The following DDX10 variants were observed in gnomAD, a reference collection of about 807,000 sequenced individuals.
The protein encoded by DDX10 is probable ATP-dependent RNA helicase DDX10.
DDX10 carries 74 observed loss-of-function variants against 104.3 expected under a neutral mutation model. That is an observed-to-expected ratio of 0.71 (90% CI 0.59 to 0.86). The LOEUF is 0.86. Among genes scored for constraint, DDX10 ranks in the 40% least tolerant of loss-of-function variants. The pLI, the probability that DDX10 is intolerant of heterozygous loss-of-function variation, is 0.00. For missense variants in DDX10, 952 were observed against 1,040.0 expected (o/e 0.92, Z 1.16); for synonymous variants, 351 against 353.4 (o/e 0.99, Z 0.08).
intron 13 of DDX10, among the ~76,000 whole-genome samples, chr11:108,725,929 G>C (rs1315087182): frequency 6.6e-6 from 1 of 151,914 alleles, no homozygotes; most frequent in Non-Finnish European, 1.5e-5. Context: ...ATTTGGGCTA[G>C]GATCCTCTTC....
At chr11:108,720,012 C>T (rs894997694) in intron 12 of DDX10, 127 bp downstream of exon 12, 6 of 658,844 alleles carry the variant, frequency 9.1e-6, no homozygotes, top group South Asian at 8.6e-5. Flanking sequence ...CAGCAGTCCA[C>T]CCACCTCAAC....
At chr11:108,885,977 CT>C (rs1555037232) in intron 16 of DDX10, among the ~76,000 whole-genome samples, 3 of 152,120 alleles carry the variant, frequency 2.0e-5, no homozygotes, top group Non-Finnish European at 4.4e-5. Context: ...GAGACTTGAG[CT>C]GATCCATAAA....
intron 17 of DDX10, among the ~76,000 whole-genome samples, chr11:108,922,827 A>C (rs1007544169): frequency 6.6e-6 from 1 of 152,220 alleles, no homozygotes; most frequent in African/African-American, 2.4e-5. Flanking sequence ...GAGCTTTAAG[A>C]ATACCCCCAT....
At chr11:108,716,537 A>G (rs1432123386) in intron 11 of DDX10, among the ~76,000 whole-genome samples, 1 of 152,208 alleles carries the variant, frequency 6.6e-6, no homozygotes, top group African/African-American at 2.4e-5. Flanking sequence ...GATTTCTAAT[A>G]CTTGATAACA....
At chr11:108,850,461 T>A (rs1197471215) in intron 15 of DDX10, among the ~76,000 whole-genome samples, 1 of 152,182 alleles carries the variant, frequency 6.6e-6, no homozygotes, top group Admixed American at 6.5e-5. Context: ...AACTTTGAAG[T>A]GCCATTTTCA....
In DDX10 at chr11:108,779,503, A is replaced by G. The variant is rs1172799623; in HGVS notation, c.1965+56041A>G. Among the ~76,000 whole-genome samples, 6 of 147,160 alleles carry G rather than the reference A, an allele frequency of 4.1e-5. 1 individual carries two copies. The highest frequency in any genetic ancestry group is 6.0e-5 in the Non-Finnish European group (4 of 67,054). On this transcript the variant is annotated intron_variant, in intron 13 of 17. Coordinates refer to ENST00000322536, the MANE Select transcript of DDX10 (RefSeq NM_004398.4). ...TTGAACAATGAGAACACATGGACAC[A>G]GGGTGGGGAACATCACACACTGGGG...
chr11:108,924,864 T>C (rs1863887238), intron 17 of DDX10, among the ~76,000 whole-genome samples: 1 of 152,194 alleles, frequency 6.6e-6, no homozygotes, highest in South Asian at 2.1e-4. Context: ...GGTGATTGTT[T>C]AAAAAAACTA....
At chr11:108,669,916 CCGT>C (rs1268172784) in intron 1 of DDX10, among the ~76,000 whole-genome samples, 2 of 152,146 alleles carry the variant, frequency 1.3e-5, no homozygotes, top group African/African-American at 4.8e-5. Context: ...ATGGACTCTG[CCGT>C]AGAGTCATCA....
chr11:108,708,656 C>G (rs2094280001), intron 10 of DDX10, among the ~76,000 whole-genome samples: 1 of 151,746 alleles, frequency 6.6e-6, no homozygotes, highest in Non-Finnish European at 1.5e-5. Context: ...GAACCTCTAC[C>G]TCCTGGGTTC....
At chr11:108,804,625 T>G (rs1471336675) in intron 13 of DDX10, among the ~76,000 whole-genome samples, 1 of 152,166 alleles carries the variant, frequency 6.6e-6, no homozygotes, top group Non-Finnish European at 1.5e-5. Flanking sequence ...GGATCTCTGC[T>G]CAGGGTCTCA....
intron 17 of DDX10, among the ~76,000 whole-genome samples, chr11:108,928,247 C>T (rs886269329): frequency 2.6e-5 from 4 of 152,158 alleles, no homozygotes; most frequent in East Asian, 1.9e-4. Flanking sequence ...TAGGAGTTCT[C>T]GCTACATGGA....
intron 13 of DDX10, among the ~76,000 whole-genome samples, chr11:108,757,384 A>G (rs954444604): frequency 6.6e-6 from 1 of 151,910 alleles, no homozygotes; most frequent in Admixed American, 6.6e-5. Flanking sequence ...TGTTAACCAT[A>G]TTTTTCTAGT....
chr11:108,728,760 C>G (rs1479445510), intron 13 of DDX10, among the ~76,000 whole-genome samples: 3 of 152,040 alleles, frequency 2.0e-5, no homozygotes, highest in Non-Finnish European at 4.4e-5. Context: ...TCAAGTGATC[C>G]TCTCACCTTG....
intron 16 of DDX10, among the ~76,000 whole-genome samples, chr11:108,888,732 C>T (rs975257843): frequency 5.9e-5 from 9 of 151,646 alleles, no homozygotes; most frequent in East Asian, 3.9e-4. Flanking sequence ...ATAGACTAGA[C>T]GTGGGATATA....
At chr11:108,857,429 T>C (rs1185943346) in intron 16 of DDX10, among the ~76,000 whole-genome samples, 1 of 152,186 alleles carries the variant, frequency 6.6e-6, no homozygotes, top group Non-Finnish European at 1.5e-5. Context: ...CTCTCACATA[T>C]TATGGGCTCC....
intron 13 of DDX10, among the ~76,000 whole-genome samples, chr11:108,804,498 CAAAAA>C (rs3063225): frequency 9.6e-5 from 9 of 93,510 alleles, no homozygotes; most frequent in South Asian, 8.4e-4. Context: ...GACCCTGTCT[CAAAAA>C]AAAAAAAAAA....
intron 16 of DDX10, among the ~76,000 whole-genome samples, chr11:108,862,463 C>T (rs1012203391): frequency 3.9e-5 from 6 of 152,110 alleles, no homozygotes; most frequent in Non-Finnish European, 7.4e-5. Flanking sequence ...GAGCCTTAGT[C>T]CCTGGAGTCA....
intron 13 of DDX10, among the ~76,000 whole-genome samples, chr11:108,728,060 C>T (rs1179562592): frequency 6.6e-6 from 1 of 150,692 alleles, no homozygotes; most frequent in Non-Finnish European, 1.5e-5. Flanking sequence ...AAAAAAAAAA[C>T]CCAGAAAGCA....
intron 12 of DDX10, among the ~76,000 whole-genome samples, chr11:108,721,164 G>C (rs1269596670): frequency 6.6e-6 from 1 of 152,142 alleles, no homozygotes; most frequent in Non-Finnish European, 1.5e-5. Flanking sequence ...TAAGTGAGCT[G>C]TCGTTTTCTA....
Sources: allele counts gnomAD v4.1 joint callset (sites outside exome capture counted in the v4.1 genomes callset), GRCh38; gene constraint gnomAD v4.1.1; transcripts MANE v1.5; gene names NCBI Gene and HGNC (gene_info 2026-07-23, HGNC 2026-07-21).